ATP13A3: variants seen among roughly 807,000 people sequenced by gnomAD.
The protein encoded by ATP13A3 is polyamine-transporting ATPase 13A3.
A neutral mutation model predicts 158.1 loss-of-function variants in ATP13A3; 59 were observed. The observed-to-expected ratio is 0.37, with a 90% CI of 0.30 to 0.46. The LOEUF (loss-of-function observed/expected upper bound fraction) is 0.46. Among genes scored for constraint, ATP13A3 ranks in the 20% least tolerant of loss-of-function variants. ATP13A3 has a pLI of 1.00. For synonymous variants in ATP13A3, 491 were observed against 504.3 expected, an observed-to-expected ratio of 0.97 and a Z score of 0.35; for missense variants, 1,166 against 1,525.2, an observed-to-expected ratio of 0.76 and a Z score of 3.92.
At chr3:194,432,633 A>T (rs1449714266) in intron 21 of ATP13A3, among the ~76,000 whole-genome samples, 1 of 152,238 alleles carries the variant, frequency 6.6e-6, no homozygotes, top group Non-Finnish European at 1.5e-5. Flanking sequence ...CTTGACAAAG[A>T]AGACGCAAGA....
Position 194,404,078 on chromosome 3 carries a change from A to G in ATP13A3, c.*1841T>C, listed in dbSNP as rs1239537784. The stretch of plus-strand genomic sequence containing the variant: ...AATGCACAATTGTGGAAATCACTGA[A>G]GAATAACACGAGCATATTTGAAATT... On this transcript the variant is annotated 3_prime_UTR_variant, in exon 34 of 34. Coordinates refer to ENST00000645319, the MANE Select transcript of ATP13A3 (RefSeq NM_001367549.1). 4.4e-6 allele frequency: 2 copies of G among 450,704 alleles called. No homozygotes were observed. Among genetic ancestry groups the G allele is most frequent in the Non-Finnish European group, 8.9e-6 (2 of 225,340 alleles). The allele number at this position is 450,704 out of a possible 1,614,324, so 27.9% of individuals were successfully genotyped here.
chr3:194,492,707 C>CAA, intron 2 of ATP13A3, among the ~76,000 whole-genome samples: 1 of 152,280 alleles, frequency 6.6e-6, no homozygotes, highest in East Asian at 1.9e-4. Flanking sequence ...CCACCTGCTT[C>CAA]AGCCTCCAAA....
chr3:194,415,791 A>T (rs549092232), intron 31 of ATP13A3, among the ~76,000 whole-genome samples: 1 of 149,188 alleles, frequency 6.7e-6, no homozygotes, highest in African/African-American at 2.5e-5. Context: ...TTACAATACC[A>T]CATTGTTTCT....
At chr3:194,444,309 ATCAT>A (rs1319608243) in intron 15 of ATP13A3, among the ~76,000 whole-genome samples, 1 of 152,278 alleles carries the variant, frequency 6.6e-6, no homozygotes, top group Non-Finnish European at 1.5e-5. Context: ...ACAAGGTTTA[ATCAT>A]TCAATGGAAT....
At chr3:194,434,636 G>A (rs1343556058) in intron 20 of ATP13A3, among the ~76,000 whole-genome samples, 1 of 152,188 alleles carries the variant, frequency 6.6e-6, no homozygotes, top group Non-Finnish European at 1.5e-5. Flanking sequence ...GAAATCTCAG[G>A]TCAGGCATTG....
At chr3:194,406,249 G>GA (rs756177368) in intron 33 of ATP13A3, 133 bp from the exon 34 acceptor site, 743 of 920,338 alleles carry the variant, frequency 8.1e-4, no homozygotes, top group Non-Finnish European at 9.3e-4. Flanking sequence ...ACGAATGGGG[G>GA]AAAAAAAAAT....
Position 194,448,758 on chromosome 3 carries a change from T to C in ATP13A3, c.971-122A>G, listed in dbSNP as rs746550542. 283 of 1,029,598 alleles carry C rather than the reference T, an allele frequency of 2.7e-4. 1 individual carries two copies. The highest frequency in any genetic ancestry group is 3.6e-4 in the Non-Finnish European group (267 of 736,786). The allele number at this position is 1,029,598 out of a possible 1,614,324, so 63.8% of individuals were successfully genotyped here. A position where few individuals can be genotyped will look rare whatever the true frequency, so the allele number is the denominator to read the frequency against. ...ATATTTTAAATGCTACCATACTGTT[T>C]ACAATAATCACTGAGAGTTGTATAT... On this transcript the variant is annotated intron_variant, in intron 11 of 33. Transcript: ENST00000645319. The surrounding 1 kb of genome is among the most constrained non-coding windows in gnomAD (Gnocchi z 4.0).
intron 28 of ATP13A3, among the ~76,000 whole-genome samples, chr3:194,428,242 AAAAG>A (rs1447981272): frequency 6.6e-6 from 1 of 151,818 alleles, no homozygotes; most frequent in African/African-American, 2.4e-5. Flanking sequence ...AAAAAAGAAA[AAAAG>A]AAATTTCTAT....
Position 194,427,230 on chromosome 3 carries a change from T to C in ATP13A3, c.2970A>G (p.Lys990=). 2 of 1,605,014 alleles carry C rather than the reference T, an allele frequency of 1.2e-6. No homozygotes were observed. The highest frequency in any genetic ancestry group is 2.3e-5 in the South Asian group (2 of 88,432). Residue 990 remains lysine (K), a synonymous_variant, in exon 29 of 34, where the codon AAA becomes AAG. Transcript: ENST00000645319. ...VFTMSLNPAW[K]ELVAQRPPSG... Reference sequence around the variant, plus strand: ...AAGGTGGTCTTTGTGCCACAAGTTCTTTCCAGGCAGGATTTAAACTCACTA... The same window carrying C: ...AAGGTGGTCTTTGTGCCACAAGTTCCTTCCAGGCAGGATTTAAACTCACTA...
At chr3:194,414,439 G>C (rs1183964125) in intron 31 of ATP13A3, among the ~76,000 whole-genome samples, 1 of 149,356 alleles carries the variant, frequency 6.7e-6, no homozygotes, top group Non-Finnish European at 1.5e-5. Context: ...CTCCAGCGTG[G>C]GTGACAGAAG....
At chr3:194,490,514 C>T (rs570873282), upstream of ATP13A3, among the ~76,000 whole-genome samples, 2 of 152,318 alleles carry the variant, frequency 1.3e-5, no homozygotes, top group East Asian at 1.9e-4. This position sits in a 1 kb window ranked among gnomAD's most constrained non-coding sequence, Gnocchi z 4.4. Flanking sequence ...TCTCAGCCTC[C>T]GCAGGTGCTT....
chr3:194,459,195 T>A (rs746258132), intron 6 of ATP13A3: 128 of 375,392 alleles, frequency 3.4e-4, no homozygotes, highest in Middle Eastern at 3.1e-3. Flanking sequence ...AAAATCACTT[T>A]GAGGTGAAAC....
At chr3:194,425,006 C>G (rs1716656321) in intron 30 of ATP13A3, among the ~76,000 whole-genome samples, 1 of 152,150 alleles carries the variant, frequency 6.6e-6, no homozygotes, top group Non-Finnish European at 1.5e-5. Flanking sequence ...ACCTCCGTCT[C>G]CGCCCCCGAT....
chr3:194,431,072 T>C (rs1480912467), intron 23 of ATP13A3, 32 bp downstream of exon 23: 2 of 1,613,644 alleles, frequency 1.2e-6, no homozygotes, highest in Non-Finnish European at 1.7e-6. Context: ...GATGCATTCA[T>C]GTGAGCACAC....
chr3:194,434,644 T>C (rs533241502), intron 20 of ATP13A3, among the ~76,000 whole-genome samples: 1 of 152,308 alleles, frequency 6.6e-6, no homozygotes, highest in Non-Finnish European at 1.5e-5. Context: ...AGGTCAGGCA[T>C]TGTAGCTCAT....
intron 29 of ATP13A3, 115 bp downstream of exon 29, chr3:194,426,960 C>T (rs940426575): frequency 9.0e-7 from 1 of 1,106,030 alleles, no homozygotes; most frequent in Non-Finnish European, 1.3e-6. Context: ...ACTAGGACTA[C>T]AGGTGTGAGC....
chr3:194,454,991 G>A (rs767018966), intron 8 of ATP13A3, among the ~76,000 whole-genome samples: 7 of 152,278 alleles, frequency 4.6e-5, no homozygotes, highest in East Asian at 1.9e-4. Flanking sequence ...GATTTTAGCC[G>A]TTCTGCAATC....
At chr3:194,489,461 G>A (rs73209058), upstream of ATP13A3, among the ~76,000 whole-genome samples, 915 of 152,098 alleles carry the variant, frequency 6.0e-3, 11 homozygotes, top group Non-Finnish European at 0.01. The surrounding 1 kb of genome is among the most constrained non-coding windows in gnomAD (Gnocchi z 4.1). Flanking sequence ...AAATTCCTAC[G>A]GTGGTTCCCA....
chr3:194,425,468 G>C lies in ATP13A3; in HGVS notation c.3187C>G (p.Leu1063Val), dbSNP rs772926145. Residue 1063 changes from leucine (L) to valine (V), a missense_variant, in exon 30 of 34, where the codon CTT (leucine) becomes GTT (valine). Leu to Val is a conservative substitution (Grantham distance 32). Around this residue, in one of 3 missense-constraint regions of ATP13A3, gnomAD observed 997 missense variants for 1,341.2 expected, o/e 0.74. Transcript: ENST00000645319. The part of the protein sequence containing the change: ...NSSHVDNETE[L>V]DEHNIQNYEN... ...TAATTTTGTATATTATGTTCATCAA[G>C]TTCGGTTTCATTGTCTACGTGTGAA... is the stretch of plus-strand genomic sequence containing the variant. 5 of 1,613,610 alleles carry C rather than the reference G, an allele frequency of 3.1e-6. No individual in the cohort carries two copies. In the Admixed American group the frequency reaches 8.3e-5, roughly 27 times the overall value.
Sources: allele counts gnomAD v4.1 joint callset (sites outside exome capture counted in the v4.1 genomes callset), GRCh38; gene constraint gnomAD v4.1.1; regional missense constraint gnomAD v4.1.1; non-coding constraint Gnocchi (gnomAD v3.1); transcripts MANE v1.5; gene names NCBI Gene and HGNC (gene_info 2026-07-23, HGNC 2026-07-21).